The following DENND5B variants were observed in gnomAD, a reference collection of about 807,000 sequenced individuals.
DENND5B encodes the protein DENN domain-containing protein 5B.
DENND5B carries 34 observed loss-of-function variants against 140.6 expected under a neutral mutation model. That is an observed-to-expected ratio of 0.24 (90% confidence interval 0.18 to 0.32). DENND5B has a LOEUF of 0.32. Among genes scored for constraint, DENND5B ranks in the 10% least tolerant of loss-of-function variants. The probability of loss-of-function intolerance (pLI) is 1.00; values close to 1 mark genes in which losing one functional copy is unlikely to be tolerated. For missense variants in DENND5B, 1,142 were observed against 1,560.2 expected (o/e 0.73, Z 4.52); for synonymous variants, 551 against 562.1 (o/e 0.98, Z 0.28).
At chr12:31,399,830 C>T (rs2137384823) in intron 15 of DENND5B, 58 bp from the exon 16 acceptor site, 21 of 1,341,978 alleles carry the variant, frequency 1.6e-5, no homozygotes, top group Non-Finnish European at 2.1e-5. Flanking sequence ...TACATCTCAG[C>T]TTTACAGGTA....
chr12:31,392,536 C>A, intron 18 of DENND5B, 78 bp downstream of exon 18: 3 of 1,518,854 alleles, frequency 2.0e-6, no homozygotes, highest in South Asian at 1.3e-5. Context: ...AATTCAAGCA[C>A]CCCATATTGC....
At chr12:31,544,150 T>A (rs1374648817) in intron 1 of DENND5B, among the ~76,000 whole-genome samples, 1 of 152,142 alleles carries the variant, frequency 6.6e-6, no homozygotes, top group Admixed American at 6.5e-5. Context: ...GGCAACAGAG[T>A]GAGACTCCAT....
At chr12:31,521,103 C>CTT (rs1178531393) in intron 1 of DENND5B, among the ~76,000 whole-genome samples, 1 of 139,594 alleles carries the variant, frequency 7.2e-6, no homozygotes, top group Non-Finnish European at 1.6e-5. Context: ...TAAAGTTGGT[C>CTT]TTTTTTTTTT....
intron 1 of DENND5B, 101 bp downstream of exon 1, chr12:31,590,605 G>C (rs1345695563): frequency 4.4e-5 from 57 of 1,287,908 alleles, no homozygotes; most frequent in Non-Finnish European, 5.3e-5. Context: ...GCGCCACCGG[G>C]AGCTGACTTT....
chr12:31,431,948 G>C (rs1343155058), intron 8 of DENND5B: 4 of 558,236 alleles, frequency 7.2e-6, no homozygotes, highest in East Asian at 2.9e-4. Flanking sequence ...AGGCATTCTA[G>C]AGCTATGTGC....
chr12:31,400,760 T>C (rs539081382), intron 15 of DENND5B, among the ~76,000 whole-genome samples: 11 of 152,330 alleles, frequency 7.2e-5, no homozygotes, highest in African/African-American at 2.6e-4. Flanking sequence ...AAATTATTGT[T>C]GACTATAGTC....
chr12:31,571,311 C>T (rs1949814130), intron 1 of DENND5B, among the ~76,000 whole-genome samples: 1 of 152,316 alleles, frequency 6.6e-6, no homozygotes, highest in South Asian at 2.1e-4. Context: ...CACTGAGTTG[C>T]CTCTTCTGCT....
At position 31,383,538 on chromosome 12, in the gene DENND5B, A is replaced by G. The variant is rs1380098304; in HGVS notation, c.*4065T>C. Reference sequence around the variant, plus strand: ...ACCACAAGGTTACAAAAGGTACAAAAATGTGTGAAACATTTAAATTTCAGA... The same window carrying G: ...ACCACAAGGTTACAAAAGGTACAAAGATGTGTGAAACATTTAAATTTCAGA... On this transcript the variant is annotated 3_prime_UTR_variant, in exon 21 of 21. Transcript: ENST00000389082. 1 of 152,220 alleles carries G rather than the reference A, an allele frequency of 6.6e-6. No individual in the cohort carries two copies. Among genetic ancestry groups the G allele is most frequent in the Non-Finnish European group, 1.5e-5 (1 of 68,034 alleles). The allele number at this position is 152,220 out of a possible 1,614,324, so 9.4% of individuals were successfully genotyped here.
intron 1 of DENND5B, among the ~76,000 whole-genome samples, chr12:31,545,591 T>C (rs1948828986): frequency 6.6e-6 from 1 of 152,168 alleles, no homozygotes; most frequent in Non-Finnish European, 1.5e-5. Context: ...CTAAAATGTA[T>C]GTAGTAATGA....
At chr12:31,564,276 A>G (rs998412231) in intron 1 of DENND5B, among the ~76,000 whole-genome samples, 5 of 152,168 alleles carry the variant, frequency 3.3e-5, no homozygotes, top group African/African-American at 1.2e-4. Flanking sequence ...TACCTTGAGT[A>G]TCTACTCTTT....
intron 3 of DENND5B, among the ~76,000 whole-genome samples, chr12:31,473,119 G>T (rs900657834): frequency 1.3e-5 from 2 of 152,068 alleles, no homozygotes; most frequent in Non-Finnish European, 1.5e-5. Context: ...TTGTATTTTA[G>T]TAGAGATGGG....
At chr12:31,555,944 G>A (rs1949264469) in intron 1 of DENND5B, among the ~76,000 whole-genome samples, 1 of 152,176 alleles carries the variant, frequency 6.6e-6, no homozygotes, top group Non-Finnish European at 1.5e-5. Flanking sequence ...GATTTTCCAG[G>A]TGCCCTCTGT....
chr12:31,566,362 G>GTGTGTGTGTC (rs1949631857), intron 1 of DENND5B, among the ~76,000 whole-genome samples: 1 of 121,106 alleles, frequency 8.3e-6, no homozygotes, highest in South Asian at 2.7e-4. Flanking sequence ...GTGTGTGTGT[G>GTGTGTGTGTC]TGTGTGTGTA....
intron 11 of DENND5B, among the ~76,000 whole-genome samples, chr12:31,416,025 C>T (rs2137601874): frequency 6.6e-6 from 1 of 151,808 alleles, no homozygotes; most frequent in East Asian, 2.0e-4. Context: ...TTAGGAGAGA[C>T]AGGGTTTCTC....
At chr12:31,442,673 CAGAT>C in intron 7 of DENND5B, 98 bp downstream of exon 7, 1 of 1,228,802 alleles carries the variant, frequency 8.1e-7, no homozygotes, top group Non-Finnish European at 1.1e-6. Context: ...AAAAAGTAAT[CAGAT>C]AGATGTTTAA....
At chr12:31,445,872 G>C (rs548620378) in intron 6 of DENND5B, among the ~76,000 whole-genome samples, 23 of 151,768 alleles carry the variant, frequency 1.5e-4, no homozygotes, top group African/African-American at 5.1e-4. Flanking sequence ...ACCCGAGGGT[G>C]GTGGCACATG....
chr12:31,415,763 T>G (rs985169688), intron 11 of DENND5B, among the ~76,000 whole-genome samples: 1 of 152,112 alleles, frequency 6.6e-6, no homozygotes, highest in African/African-American at 2.4e-5. Flanking sequence ...ATTTTTAAAA[T>G]TTTTTGTAGA....
At chr12:31,441,404 C>T (rs1247589883) in intron 7 of DENND5B, among the ~76,000 whole-genome samples, 3 of 151,894 alleles carry the variant, frequency 2.0e-5, no homozygotes, top group Non-Finnish European at 2.9e-5. Context: ...CCAGGCTGGT[C>T]TCAAACTCCT....
At chr12:31,392,548 T>C (rs1941203524) in intron 18 of DENND5B, 66 bp downstream of exon 18, 1 of 1,522,586 alleles carries the variant, frequency 6.6e-7, no homozygotes, top group Admixed American at 2.2e-5. Flanking sequence ...CCATATTGCC[T>C]CGTGTATCAC....
Sources: allele counts gnomAD v4.1 joint callset (sites outside exome capture counted in the v4.1 genomes callset), GRCh38; gene constraint gnomAD v4.1.1; transcripts MANE v1.5; gene names NCBI Gene and HGNC (gene_info 2026-07-23, HGNC 2026-07-21).